Variants in KNG1 observed in about 807,000 individuals in gnomAD.
KNG1 encodes kininogen 1.
Under a neutral mutation model 47.8 loss-of-function variants are expected in KNG1, and 23 were observed. The observed-to-expected ratio is 0.48, with a 90% CI of 0.35 to 0.68. KNG1 has a LOEUF of 0.68. Among genes scored for constraint, KNG1 ranks in the 30% least tolerant of loss-of-function variants. The pLI is 0.01. For missense variants in KNG1, 762 were observed against 790.2 expected, an observed-to-expected ratio of 0.96 and a Z score of 0.43; for synonymous variants, 277 against 277.0, an observed-to-expected ratio of 1.00 and a Z score of 0.00.
intron 5 of KNG1, chr3:186,728,446 T>G (rs368929430): frequency 5.3e-5 from 8 of 152,154 alleles, no homozygotes; most frequent in African/African-American, 1.7e-4. Context: ...ATCCATACAG[T>G]AGAATATGAT....
rs1720855405 is a variant in KNG1, at chr3:186,743,012, G to GGGCTA, written c.*683_*687dup. On this transcript the variant is annotated 3_prime_UTR_variant, in exon 10 of 10. Transcript: ENST00000644859. ...TTAATTGACTTTCTATTCCCAAAATGGGCTAGTTATATCAAATAAATACTC... is the reference window on the plus strand; with the variant it reads ...TTAATTGACTTTCTATTCCCAAAATGGGCTAGGCTAGTTATATCAAATAAATACTC... The GGGCTA allele has an allele frequency of 1.1e-6, 1 of 927,058 alleles. No homozygotes were observed. The highest frequency in any genetic ancestry group is 1.3e-6 in the Non-Finnish European group (1 of 776,730). The allele number at this position is 927,058 out of a possible 1,614,324, so 57.4% of individuals were successfully genotyped here.
intron 1 of KNG1, among the ~76,000 whole-genome samples, chr3:186,719,654 G>A (rs1051513492): frequency 5.9e-5 from 9 of 151,878 alleles, no homozygotes; most frequent in Middle Eastern, 3.4e-3. Flanking sequence ...GCGTGAACCC[G>A]GGAGGCAGAG....
chr3:186,718,109 A>ACCACCAC, intron 1 of KNG1: 1 of 136,032 alleles, frequency 7.4e-6, no homozygotes, highest in Non-Finnish European at 1.4e-5. Context: ...ACCACCACCA[A>ACCACCAC]CCACCACCCA....
intron 4 of KNG1, among the ~76,000 whole-genome samples, chr3:186,726,075 C>G (rs28496811): frequency 3.3e-5 from 5 of 151,564 alleles, no homozygotes; most frequent in Non-Finnish European, 7.4e-5. Context: ...GGATTACAGG[C>G]GCTCATCACC....
At chr3:186,740,427 T>G (rs1720780113) in intron 9 of KNG1, among the ~76,000 whole-genome samples, 1 of 152,224 alleles carries the variant, frequency 6.6e-6, no homozygotes, top group Admixed American at 6.5e-5. Context: ...GGCACTTGGA[T>G]TCAAATCTTG....
chr3:186,729,765 C>T (rs5030036), intron 5 of KNG1, among the ~76,000 whole-genome samples: 6 of 151,956 alleles, frequency 3.9e-5, no homozygotes, highest in Non-Finnish European at 5.9e-5. Context: ...CTCCGCCTCC[C>T]GGGTTCAAGT....
chr3:186,720,047 G>C, intron 1 of KNG1, 58 bp from the exon 2 acceptor site: 1 of 1,069,860 alleles, frequency 9.3e-7, no homozygotes, highest in East Asian at 2.4e-5. Context: ...GAACCCACTA[G>C]AATTATTTGC....
rs768052381 is a variant in KNG1 at position 186,732,568 on chromosome 3, G to T, written c.824G>T (p.Ser275Ile). 6.2e-7 allele frequency: 1 copy of T among 1,614,122 alleles called. No homozygotes were observed. The highest frequency in any genetic ancestry group is 2.2e-5 in the East Asian group (1 of 44,886). ...TGCCCCAGAGATATACCCACCAACA[G>T]CCCAGAGCTGGAGGAGACACTGACT... is the stretch of plus-strand genomic sequence containing the variant. ...VGCPRDIPTNSPELEETLTHT... is the reference protein window; with the variant it reads ...VGCPRDIPTNIPELEETLTHT... Residue 275 changes from serine (S) to isoleucine (I), a missense_variant, in exon 7 of 10, where the codon AGC (serine) becomes ATC (isoleucine). By Grantham distance (142) the Ser-to-Ile change is moderately radical. Coordinates refer to ENST00000644859, the MANE Select transcript of KNG1 (RefSeq NM_001102416.3).
At chr3:186,719,822 G>GT (rs1192539801) in intron 1 of KNG1, among the ~76,000 whole-genome samples, 3 of 152,086 alleles carry the variant, frequency 2.0e-5, no homozygotes, top group African/African-American at 7.2e-5. Context: ...AGCTTGCTGT[G>GT]TATCTTTCCA....
intron 7 of KNG1, chr3:186,736,577 T>C (rs1720674837): frequency 6.6e-6 from 1 of 152,312 alleles, no homozygotes; most frequent in East Asian, 1.9e-4. Context: ...GATGCTCCTG[T>C]CTGCCTCTGC....
intron 5 of KNG1, among the ~76,000 whole-genome samples, chr3:186,730,244 T>C (rs528035238): frequency 3.3e-5 from 5 of 152,292 alleles, no homozygotes; most frequent in African/African-American, 4.8e-5. Flanking sequence ...TTTAAACATG[T>C]TATGAATTTT....
chr3:186,735,525 G>C (rs1720650333), intron 7 of KNG1, among the ~76,000 whole-genome samples: 1 of 152,126 alleles, frequency 6.6e-6, no homozygotes, highest in East Asian at 1.9e-4. Context: ...GGCTGAGGCA[G>C]GAGAATCACT....
Position 186,717,603 on chromosome 3 carries a change from T to A in KNG1, c.61T>A (p.Ser21Thr). 6.2e-7 allele frequency: 1 copy of A among 1,613,026 alleles called. No individual in the cohort carries two copies. Among genetic ancestry groups the A allele is most frequent in the Non-Finnish European group, 8.5e-7 (1 of 1,179,520 alleles). Reference protein sequence around the residue: ...SRLLLSLTQESQSEEIDCNDK... With the variant: ...SRLLLSLTQETQSEEIDCNDK... ...GCTGCTACTAAGTTTAACCCAGGAA[T>A]CACAGTCCGAGGAAATTGACTGCAA... Residue 21 changes from serine (S) to threonine (T), a missense_variant, in exon 1 of 10, where the codon TCA (serine) becomes ACA (threonine). Transcript: ENST00000644859.
chr3:186,729,695 T>G (rs1240163016), intron 5 of KNG1, among the ~76,000 whole-genome samples: 1 of 148,266 alleles, frequency 6.7e-6, no homozygotes, highest in African/African-American at 2.5e-5. Flanking sequence ...TTTTTGAGAC[T>G]GAGTTTTGGT....
chr3:186,732,718 T>C (rs1405704540), intron 7 of KNG1, 44 bp downstream of exon 7: 1 of 1,506,882 alleles, frequency 6.6e-7, no homozygotes, highest in South Asian at 1.1e-5. Flanking sequence ...ATAGTCTATG[T>C]GCAAATTGCT....
rs1720654443 is a variant in KNG1 at position 186,735,641 on chromosome 3, GAA to G, written c.930+2968_930+2969del. Among the ~76,000 whole-genome samples, 5 of 151,470 alleles carry G rather than the reference GAA, an allele frequency of 3.3e-5. No homozygotes were observed. In the South Asian group the frequency reaches 1.0e-3, roughly 32 times the overall value. On this transcript the variant is annotated intron_variant, in intron 7 of 9. Transcript: ENST00000644859. ...CTCAAAAAATAATAAAAAAAAAAAAGAATTAAAAAATTAGCTGGGTATGGTGG... is the reference window on the plus strand; with the variant it reads ...CTCAAAAAATAATAAAAAAAAAAAAGTTAAAAAATTAGCTGGGTATGGTGG...
intron 5 of KNG1, among the ~76,000 whole-genome samples, chr3:186,727,562 T>C (rs5030026): frequency 0.061 from 9,319 of 152,210 alleles, 387 homozygotes; most frequent in South Asian, 0.17. Context: ...TATTTTTTTA[T>C]AACTTTATTT....
At chr3:186,741,194 A>G (rs1720802429) in intron 9 of KNG1, among the ~76,000 whole-genome samples, 1 of 151,966 alleles carries the variant, frequency 6.6e-6, no homozygotes, top group Non-Finnish European at 1.5e-5. Flanking sequence ...GGGTTTCAGC[A>G]TGTTGGCCAG....
chr3:186,742,159 T>A lies in KNG1; in HGVS notation c.1763T>A (p.Ile588Asn). Residue 588 changes from isoleucine (I) to asparagine (N), a missense_variant, in exon 10 of 10, where the codon ATC (isoleucine) becomes AAC (asparagine). Ile to Asn is a moderately radical substitution (Grantham distance 149). Coordinates refer to ENST00000644859, the MANE Select transcript of KNG1 (RefSeq NM_001102416.3). Reference sequence around the variant, plus strand: ...CCCATACAGAGTGATGACGATTGGATCCCTGATATCCAGATAGACCCAAAT... The same window carrying A: ...CCCATACAGAGTGATGACGATTGGAACCCTGATATCCAGATAGACCCAAAT... ...PAPIQSDDDW[I>N]PDIQIDPNGL... is the part of the protein sequence containing the mutation. 2 of 1,614,162 alleles carry A rather than the reference T, an allele frequency of 1.2e-6. No homozygotes were observed. The highest frequency in any genetic ancestry group is 8.5e-7 in the Non-Finnish European group (1 of 1,180,020).
Sources: allele counts gnomAD v4.1 joint callset (sites outside exome capture counted in the v4.1 genomes callset), GRCh38; gene constraint gnomAD v4.1.1; transcripts MANE v1.5; gene names NCBI Gene and HGNC (gene_info 2026-07-23, HGNC 2026-07-21).